NAALADL2: variants seen among roughly 807,000 people sequenced by gnomAD.
NAALADL2 encodes the protein N-acetylated alpha-linked acidic dipeptidase like 2, also known as inactive N-acetylated-alpha-linked acidic dipeptidase-like protein 2.
Under a neutral mutation model 87.2 loss-of-function variants are expected in NAALADL2, and 76 were observed. The ratio of observed to expected loss-of-function variants is 0.87; its 90% CI spans 0.72 to 1.05. NAALADL2 has a LOEUF of 1.05. Ranked by LOEUF, NAALADL2 falls within the 50% of genes least tolerant of loss-of-function variation. NAALADL2 has a pLI of 0.00. For missense variants in NAALADL2, 1,089 were observed against 945.8 expected (o/e 1.15, Z -1.99); for synonymous variants, 354 against 331.0 (o/e 1.07, Z -0.75).
chr3:174,786,526 G>T (rs1265685911), intron 3 of NAALADL2, among the ~76,000 whole-genome samples: 1 of 151,754 alleles, frequency 6.6e-6, no homozygotes, highest in Non-Finnish European at 1.5e-5. Flanking sequence ...GTTATTTTTG[G>T]GTAGAGAGGA....
In NAALADL2 at chr3:175,096,786, A is replaced by T; in HGVS notation, c.44-4A>T. ...ATTAAAATATATTTTTCTTATTTTCACAGGTAAAAAGATGGCCTATCAGAA... is the reference window on the plus strand; with the variant it reads ...ATTAAAATATATTTTTCTTATTTTCTCAGGTAAAAAGATGGCCTATCAGAA... On this transcript the variant is annotated splice_region_variant and splice_polypyrimidine_tract_variant and intron_variant, in intron 1 of 13. Transcript: ENST00000454872. 1 of 1,454,986 alleles carries T rather than the reference A, an allele frequency of 6.9e-7. No individual in the cohort carries two copies. Among genetic ancestry groups the T allele is most frequent in the East Asian group, 2.5e-5 (1 of 40,216 alleles). 90.1% of individuals were successfully genotyped at this position (1,454,986 alleles called of 1,614,324 possible). A position where few individuals can be genotyped will look rare whatever the true frequency, so the allele number is the denominator to read the frequency against.
intron 5 of NAALADL2, among the ~76,000 whole-genome samples, chr3:175,409,233 G>A (rs1385447067): frequency 6.6e-6 from 1 of 151,454 alleles, no homozygotes; most frequent in East Asian, 1.9e-4. Flanking sequence ...GAGACATGGA[G>A]AAATTTCTAA....
chr3:174,794,202 C>A (rs575180772), intron 3 of NAALADL2, among the ~76,000 whole-genome samples: 1 of 152,046 alleles, frequency 6.6e-6, no homozygotes, highest in Admixed American at 6.6e-5. Flanking sequence ...ATAACAGGTT[C>A]GATTCAGAAT....
intron 4 of NAALADL2, among the ~76,000 whole-genome samples, chr3:175,309,932 G>T (rs922163211): frequency 1.3e-5 from 2 of 152,104 alleles, no homozygotes; most frequent in Non-Finnish European, 2.9e-5. Flanking sequence ...CTTAATTGCT[G>T]GTTCAGGACA....
At chr3:174,940,828 G>A (rs889366948) in intron 1 of NAALADL2, among the ~76,000 whole-genome samples, 4 of 151,738 alleles carry the variant, frequency 2.6e-5, no homozygotes, top group African/African-American at 9.7e-5. Context: ...GTTTCTGATG[G>A]TTGTATTTCT....
At chr3:175,341,039 T>G (rs1442809105) in intron 5 of NAALADL2, among the ~76,000 whole-genome samples, 1 of 151,954 alleles carries the variant, frequency 6.6e-6, no homozygotes, top group African/African-American at 2.4e-5. Context: ...TACCATAAAA[T>G]TCACCATTTT....
chr3:174,593,317 T>A (rs1717573724), intron 2 of NAALADL2, among the ~76,000 whole-genome samples: 1 of 152,190 alleles, frequency 6.6e-6, no homozygotes, highest in Non-Finnish European at 1.5e-5. Flanking sequence ...TATTTTCTTG[T>A]GGTTAGTACA....
At chr3:174,782,273 T>C (rs1423058298) in intron 3 of NAALADL2, among the ~76,000 whole-genome samples, 1 of 152,130 alleles carries the variant, frequency 6.6e-6, no homozygotes, top group African/African-American at 2.4e-5. Flanking sequence ...ACAATTCAAA[T>C]AGACGATAGA....
intron 5 of NAALADL2, among the ~76,000 whole-genome samples, chr3:175,401,765 A>G (rs1160086761): frequency 6.6e-6 from 1 of 152,116 alleles, no homozygotes; most frequent in Non-Finnish European, 1.5e-5. Context: ...GCAGTGCATG[A>G]CTGTATTTAT....
intron 3 of NAALADL2, among the ~76,000 whole-genome samples, chr3:174,782,346 TG>T (rs1250677463): frequency 6.6e-6 from 1 of 152,124 alleles, no homozygotes; most frequent in Non-Finnish European, 1.5e-5. Context: ...TGATTTTCAG[TG>T]GTACTTTTAC....
At chr3:175,103,110 A>AG (rs1722513160) in intron 2 of NAALADL2, among the ~76,000 whole-genome samples, 3 of 152,146 alleles carry the variant, frequency 2.0e-5, no homozygotes, top group Middle Eastern at 3.4e-3. Context: ...CCGTCTCAAA[A>AG]AAAAAAAAAA....
chr3:174,557,433 A>T (rs977009455), intron 2 of NAALADL2, among the ~76,000 whole-genome samples: 1 of 152,108 alleles, frequency 6.6e-6, no homozygotes, highest in Non-Finnish European at 1.5e-5. Flanking sequence ...GTGTTTTATT[A>T]ATATCATAAA....
intron 2 of NAALADL2, among the ~76,000 whole-genome samples, chr3:174,603,748 G>A (rs1249216799): frequency 1.3e-5 from 2 of 151,840 alleles, no homozygotes; most frequent in Non-Finnish European, 2.9e-5. Context: ...TGATTTTGCT[G>A]TATTCCATAG....
At chr3:175,708,308 A>G (rs942261339) in intron 11 of NAALADL2, among the ~76,000 whole-genome samples, 4 of 152,070 alleles carry the variant, frequency 2.6e-5, no homozygotes, top group Non-Finnish European at 4.4e-5. Flanking sequence ...TTCTGCTGCA[A>G]TTTGAAGAAT....
chr3:174,994,424 A>G (rs1747154637), intron 1 of NAALADL2, among the ~76,000 whole-genome samples: 1 of 152,230 alleles, frequency 6.6e-6, no homozygotes, highest in Non-Finnish European at 1.5e-5. Context: ...CACTTTAAAT[A>G]TAGCAAACAC....
intron 13 of NAALADL2, among the ~76,000 whole-genome samples, chr3:175,773,875 A>G (rs749020958): frequency 2.6e-5 from 4 of 152,072 alleles, no homozygotes; most frequent in African/African-American, 2.4e-5. Flanking sequence ...TGAATTTGAG[A>G]CCATGAAGCC....
At chr3:175,051,731 C>T (rs1755417255) in intron 1 of NAALADL2, among the ~76,000 whole-genome samples, 1 of 152,154 alleles carries the variant, frequency 6.6e-6, no homozygotes, top group African/African-American at 2.4e-5. Context: ...GGTGAAAATT[C>T]TTGGGAGTCA....
At chr3:174,832,437 C>A (rs546318287) in intron 3 of NAALADL2, among the ~76,000 whole-genome samples, 1 of 152,090 alleles carries the variant, frequency 6.6e-6, no homozygotes, top group South Asian at 2.1e-4. Context: ...GATTCTTAAT[C>A]CTGAGTTCTA....
intron 2 of NAALADL2, among the ~76,000 whole-genome samples, chr3:175,219,036 T>A (rs2109333958): frequency 6.6e-6 from 1 of 152,220 alleles, no homozygotes; most frequent in African/African-American, 2.4e-5. Flanking sequence ...TACATTTTAT[T>A]ACTAACAGAC....
Sources: gnomAD v4.1 joint callset for allele counts (sites outside exome capture counted in the v4.1 genomes callset) on GRCh38, gnomAD v4.1.1 for gene constraint, MANE v1.5 for transcripts, NCBI Gene and HGNC (gene_info 2026-07-23, HGNC 2026-07-21) for gene names.